IQCE: variants seen among roughly 807,000 people sequenced by gnomAD.
IQCE encodes the protein IQ motif containing E.
In IQCE, 115 loss-of-function variants were observed where a neutral mutation model predicts 96.0. The ratio of observed to expected loss-of-function variants is 1.20; its 90% CI spans 1.03 to 1.40. The LOEUF (loss-of-function observed/expected upper bound fraction) is 1.40, where lower values mean the gene tolerates loss of function less well. Ranked by LOEUF, IQCE falls within the 40% of genes most tolerant of loss-of-function variation. The pLI, the probability that IQCE is intolerant of heterozygous loss-of-function variation, is 0.00. For missense variants in IQCE, 1,041 were observed against 909.1 expected, an observed-to-expected ratio of 1.15 and a Z score of -1.87; for synonymous variants, 412 against 371.2, an observed-to-expected ratio of 1.11 and a Z score of -1.26.
At chr7:2,605,659 A>G (rs868043788) in intron 19 of IQCE, among the ~76,000 whole-genome samples, 3 of 149,614 alleles carry the variant, frequency 2.0e-5, no homozygotes, top group Admixed American at 1.3e-4. Flanking sequence ...TAAATAAATA[A>G]ATAAATAGAT....
At chr7:2,584,351 A>G (rs1782933286) in intron 11 of IQCE, 66 bp downstream of exon 11, 2 of 1,465,164 alleles carry the variant, frequency 1.4e-6, no homozygotes, top group Non-Finnish European at 9.6e-7. Context: ...TCCTCTGAGA[A>G]TGTGTGGCTG....
At chr7:2,570,523 C>G (rs1051222762) in intron 3 of IQCE, among the ~76,000 whole-genome samples, 1 of 151,904 alleles carries the variant, frequency 6.6e-6, no homozygotes, top group Non-Finnish European at 1.5e-5. Flanking sequence ...TCTTTATTCC[C>G]TCATTCACAG....
chr7:2,562,639 G>GT (rs1224611014), intron 1 of IQCE, among the ~76,000 whole-genome samples: 2 of 147,602 alleles, frequency 1.4e-5, no homozygotes, highest in Admixed American at 1.4e-4. Flanking sequence ...GTGTCTCTGG[G>GT]TTTTTTTTCT....
At chr7:2,593,615 C>T (rs916255952) in intron 15 of IQCE, among the ~76,000 whole-genome samples, 12 of 152,220 alleles carry the variant, frequency 7.9e-5, no homozygotes, top group African/African-American at 2.4e-4. Flanking sequence ...ACCTGGTGCT[C>T]GGCAAAGAAA....
intron 8 of IQCE, among the ~76,000 whole-genome samples, chr7:2,578,992 G>C (rs1178704491): frequency 6.6e-6 from 1 of 151,438 alleles, no homozygotes; most frequent in East Asian, 1.9e-4. Context: ...CTGTATGGCA[G>C]AGGTTGCGGT....
At chr7:2,581,798 T>C (rs1049550825) in intron 8 of IQCE, among the ~76,000 whole-genome samples, 26 of 151,306 alleles carry the variant, frequency 1.7e-4, no homozygotes, top group Admixed American at 1.6e-3. Context: ...CAAGCTCCGC[T>C]TCCCGGGTTC....
rs77591724 is a variant in IQCE at position 2,584,139 on chromosome 7, C to T, written c.775-97C>T. ...CGGCCACTTAGTTCCCGCTTCTGGC[C>T]GTAGGCAGCGGTCAGGACTGTGATG... On this transcript the variant is annotated intron_variant, in intron 10 of 21. Transcript: ENST00000402050. The T allele has an allele frequency of 1.8e-3, 1,900 of 1,072,844 alleles. 33 individuals carry two copies. In the Admixed American group the frequency reaches 0.026, roughly 15 times the overall value. The allele number at this position is 1,072,844 out of a possible 1,614,324, so 66.5% of individuals were successfully genotyped here.
intron 11 of IQCE, chr7:2,584,794 C>T (rs2917735): frequency 0.57 from 88,823 of 155,314 alleles, 25,551 homozygotes; most frequent in South Asian, 0.61. Flanking sequence ...AGTTTGCTGA[C>T]GTCGTGGACT....
At chr7:2,570,768 A>G (rs1447461036) in intron 3 of IQCE, among the ~76,000 whole-genome samples, 5 of 152,238 alleles carry the variant, frequency 3.3e-5, no homozygotes, top group Non-Finnish European at 5.9e-5. Context: ...TTACTTTCAT[A>G]CAAAATCAAG....
chr7:2,574,987 C>T (rs527854581), intron 6 of IQCE, among the ~76,000 whole-genome samples: 12 of 152,348 alleles, frequency 7.9e-5, no homozygotes, highest in South Asian at 4.1e-4. Flanking sequence ...TTGTTTCAAG[C>T]GTGCCTGTCA....
intron 1 of IQCE, among the ~76,000 whole-genome samples, chr7:2,564,880 G>A (rs116093568): frequency 0.02 from 3,120 of 152,252 alleles, 101 homozygotes; most frequent in African/African-American, 0.071. Context: ...TCTGTTAGGA[G>A]CCTGGCCCTG....
chr7:2,586,536 G>A (rs1025413794), intron 12 of IQCE, among the ~76,000 whole-genome samples, 165 bp downstream of exon 12: 12 of 152,242 alleles, frequency 7.9e-5, no homozygotes, highest in African/African-American at 2.7e-4. Context: ...CGGGCCACGC[G>A]ATGCCCCGGG....
Position 2,614,094 on chromosome 7 carries a change from C to G in IQCE, c.*3932C>G, listed in dbSNP as rs780079457. 6.6e-6 allele frequency: 1 copy of G among 152,124 alleles called. No individual in the cohort carries two copies. Among genetic ancestry groups the G allele is most frequent in the South Asian group, 2.1e-4 (1 of 4,820 alleles). 9.4% of individuals were successfully genotyped at this position (152,124 alleles called of 1,614,324 possible). A position where few individuals can be genotyped will look rare whatever the true frequency, so the allele number is the denominator to read the frequency against. ...GAGACGTGAGGACCATGCCCTTGAT[C>G]CCTCCGATGGACCAGAAACCCCCTT... On this transcript the variant is annotated 3_prime_UTR_variant, in exon 22 of 22. Transcript: ENST00000402050.
chr7:2,596,643 A>T (rs1398515880), intron 16 of IQCE, among the ~76,000 whole-genome samples: 2 of 152,234 alleles, frequency 1.3e-5, no homozygotes, highest in African/African-American at 4.8e-5. Context: ...CAAGGAATTT[A>T]TAAGCGTGTG....
Position 2,601,439 on chromosome 7 carries a change from A to C in IQCE, c.1609-2A>C. 6.5e-7 allele frequency: 1 copy of C among 1,532,330 alleles called. No homozygotes were observed. The highest frequency in any genetic ancestry group is 1.9e-5 in the Admixed American group (1 of 53,154). 94.9% of individuals were successfully genotyped at this position (1,532,330 alleles called of 1,614,324 possible). The stretch of plus-strand genomic sequence containing the variant: ...ATTTTTTCTTTCTTTTTTTTTTTCC[A>C]GAAAAAAAAGGCTGTTCTGGATGAG... On this transcript the variant is annotated splice_acceptor_variant, in intron 17 of 21. Coordinates refer to ENST00000402050, the MANE Select transcript of IQCE (RefSeq NM_152558.5). LOFTEE classifies it high-confidence loss of function.
chr7:2,559,765 T>TGGGGG (rs59372092), intron 1 of IQCE, among the ~76,000 whole-genome samples: 35 of 34,840 alleles, frequency 1.0e-3, no homozygotes, highest in Admixed American at 2.9e-3. Flanking sequence ...TGCATTCCAG[T>TGGGGG]GGGGGGGGGG....
rs986465574 is a variant in IQCE at position 2,611,027 on chromosome 7, G to C, written c.*865G>C. 2.0e-5 allele frequency: 3 copies of C among 152,614 alleles called. No individual in the cohort carries two copies. In the East Asian group the frequency reaches 5.8e-4, roughly 30 times the overall value. The allele number at this position is 152,614 out of a possible 1,614,324, so 9.5% of individuals were successfully genotyped here. On this transcript the variant is annotated 3_prime_UTR_variant, in exon 22 of 22. Coordinates refer to ENST00000402050, the MANE Select transcript of IQCE (RefSeq NM_152558.5). Reference sequence around the variant, plus strand: ...CTCGCCGTTCCAAGGGACAGCATAGGCTCGTGGTGGGGCGTGTTGCATCTG... The same window carrying C: ...CTCGCCGTTCCAAGGGACAGCATAGCCTCGTGGTGGGGCGTGTTGCATCTG...
chr7:2,562,230 TGGG>T (rs1207626974), intron 1 of IQCE, among the ~76,000 whole-genome samples: 1 of 141,782 alleles, frequency 7.1e-6, no homozygotes, highest in South Asian at 2.2e-4. Context: ...TTCTTGGTCT[TGGG>T]GTGTGTGTGT....
intron 1 of IQCE, among the ~76,000 whole-genome samples, chr7:2,563,818 C>T (rs914929131): frequency 1.5e-5 from 2 of 136,962 alleles, no homozygotes; most frequent in South Asian, 2.3e-4. Context: ...GGTGTGAACC[C>T]GGGAGGCGGA....
Sources: allele counts gnomAD v4.1 joint callset (sites outside exome capture counted in the v4.1 genomes callset), GRCh38; gene constraint gnomAD v4.1.1; transcripts MANE v1.5; gene names NCBI Gene and HGNC (gene_info 2026-07-23, HGNC 2026-07-21).